DOCK1: variants seen among roughly 807,000 people sequenced by gnomAD.
DOCK1 encodes the protein dedicator of cytokinesis 1, also known as dedicator of cytokinesis protein 1.
A neutral mutation model predicts 262.7 loss-of-function variants in DOCK1; 138 were observed. That is an observed-to-expected ratio of 0.53 (90% CI 0.46 to 0.61). DOCK1 has a LOEUF of 0.61. Among genes scored for constraint, DOCK1 ranks in the 20% least tolerant of loss-of-function variants. The pLI is 0.00. For missense variants in DOCK1, 1,908 were observed against 2,370.7 expected (o/e 0.80, Z 4.05); for synonymous variants, 866 against 867.4 (o/e 1.00, Z 0.03).
At chr10:126,986,360 T>C (rs921466893) in intron 4 of DOCK1, among the ~76,000 whole-genome samples, 1 of 152,172 alleles carries the variant, frequency 6.6e-6, no homozygotes, top group African/African-American at 2.4e-5. Flanking sequence ...CTGGGCTCTG[T>C]GCACATCAAG....
intron 27 of DOCK1, among the ~76,000 whole-genome samples, chr10:127,200,810 C>T (rs775843210): frequency 2.6e-5 from 4 of 152,204 alleles, no homozygotes; most frequent in Non-Finnish European, 5.9e-5. Flanking sequence ...AGTGTGTTCC[C>T]TTAACCTTAA....
At chr10:127,067,435 A>G (rs572383859) in intron 23 of DOCK1, among the ~76,000 whole-genome samples, 11 of 152,286 alleles carry the variant, frequency 7.2e-5, no homozygotes, top group African/African-American at 2.2e-4. Flanking sequence ...AGAATTTTCT[A>G]TAGAAGGAAA....
At chr10:126,984,396 G>A (rs2039204009) in intron 4 of DOCK1, among the ~76,000 whole-genome samples, 1 of 152,166 alleles carries the variant, frequency 6.6e-6, no homozygotes, top group Non-Finnish European at 1.5e-5. Flanking sequence ...CACCCAGGTT[G>A]AAGTGCAGTG....
chr10:126,925,902 G>A (rs1345094544), intron 1 of DOCK1, among the ~76,000 whole-genome samples: 1 of 117,792 alleles, frequency 8.5e-6, no homozygotes. Context: ...GGTTGGAGTG[G>A]GATGGGTTGA....
chr10:127,042,247 C>T (rs146156885), intron 19 of DOCK1, among the ~76,000 whole-genome samples: 153 of 152,264 alleles, frequency 1.0e-3, no homozygotes, highest in African/African-American at 3.4e-3. Context: ...GTGGCTTCTG[C>T]CCATTCACTA....
chr10:127,282,704 G>T (rs932171743), intron 29 of DOCK1, among the ~76,000 whole-genome samples: 1 of 152,212 alleles, frequency 6.6e-6, no homozygotes, highest in African/African-American at 2.4e-5. Context: ...TTTCCTCTTG[G>T]TTGGGTAACA....
chr10:127,301,260 G>C (rs1330608685), intron 29 of DOCK1, among the ~76,000 whole-genome samples: 1 of 152,164 alleles, frequency 6.6e-6, no homozygotes, highest in Non-Finnish European at 1.5e-5. Context: ...TGGATCGGAG[G>C]GTTAATGATT....
chr10:127,400,037 C>T (rs1053898436), intron 38 of DOCK1, among the ~76,000 whole-genome samples: 5 of 152,124 alleles, frequency 3.3e-5, no homozygotes, highest in African/African-American at 7.2e-5. Context: ...GAGCAGGGAC[C>T]GTAGGCAGGA....
intron 25 of DOCK1, among the ~76,000 whole-genome samples, chr10:127,112,508 T>C (rs897566309): frequency 6.6e-6 from 1 of 152,226 alleles, no homozygotes; most frequent in Non-Finnish European, 1.5e-5. Flanking sequence ...AAGTCCTGTT[T>C]TGGAAGTATG....
chr10:127,357,983 CTTTCTACATAGTTTTTTTTTTTT>C (rs2064225718), intron 32 of DOCK1, among the ~76,000 whole-genome samples: 6 of 149,204 alleles, frequency 4.0e-5, no homozygotes. Flanking sequence ...ATACAACCTA[CTTTCTACATAGTTTTTTTTTTTT>C]TATTTTAATT....
chr10:127,129,984 G>A (rs1376667347), intron 27 of DOCK1, among the ~76,000 whole-genome samples: 2 of 151,874 alleles, frequency 1.3e-5, no homozygotes, highest in African/African-American at 4.8e-5. Context: ...TCTCTGGTCA[G>A]GGGGGCACAG....
Position 126,949,095 on chromosome 10 carries a change from G to A in DOCK1, c.47-21607G>A, listed in dbSNP as rs1037395904. 4.6e-5 allele frequency among the ~76,000 whole-genome samples: 7 copies of A among 152,112 alleles called. No homozygotes were observed. The East Asian group carries it at 5.8e-4, about 13-fold the overall frequency. ...CTGGGAGTGGTGCACGTTCTGCTGG[G>A]GGGAGGTGCATCCTGCCCTTGCTGC... On this transcript the variant is annotated intron_variant, in intron 1 of 51. Coordinates refer to ENST00000623213, the MANE Select transcript of DOCK1 (RefSeq NM_001290223.2).
intron 24 of DOCK1, among the ~76,000 whole-genome samples, chr10:127,108,014 A>G (rs1268998872): frequency 1.3e-5 from 2 of 152,186 alleles, no homozygotes; most frequent in African/African-American, 4.8e-5. Flanking sequence ...GTGTGCTTGG[A>G]GGTCCTAGGA....
chr10:127,363,952 C>G (rs1490615447), intron 33 of DOCK1, among the ~76,000 whole-genome samples: 1 of 152,206 alleles, frequency 6.6e-6, no homozygotes, highest in African/African-American at 2.4e-5. Context: ...GAAATAGAAT[C>G]TACCAGAAAG....
chr10:127,119,275 C>G (rs1011720464), intron 25 of DOCK1, among the ~76,000 whole-genome samples: 2 of 152,174 alleles, frequency 1.3e-5, no homozygotes, highest in African/African-American at 4.8e-5. Flanking sequence ...TCTCTATCTC[C>G]TGACCTCATG....
Position 127,252,884 on chromosome 10 carries a change from C to A in DOCK1, c.2950-4451C>A, listed in dbSNP as rs552846796. 7.6e-4 allele frequency among the ~76,000 whole-genome samples: 116 copies of A among 152,144 alleles called. 1 individual carries two copies. The highest frequency in any genetic ancestry group is 2.3e-3 in the African/African-American group (96 of 41,514). The stretch of plus-strand genomic sequence containing the variant: ...TGGCGATGCGGGCTCTTTTTTGGTT[C>A]TATTTTCTTGAGACTATTTCCTTTT... On this transcript the variant is annotated intron_variant, in intron 28 of 51. Coordinates refer to ENST00000623213, the MANE Select transcript of DOCK1 (RefSeq NM_001290223.2).
intron 23 of DOCK1, among the ~76,000 whole-genome samples, chr10:127,082,732 G>T (rs1188138775): frequency 6.6e-6 from 1 of 152,116 alleles, no homozygotes; most frequent in South Asian, 2.1e-4. Context: ...TGTCTGGCTG[G>T]AGGGGAAGGA....
At chr10:127,061,886 A>T in intron 23 of DOCK1, 110 bp downstream of exon 23, 9 of 542,246 alleles carry the variant, frequency 1.7e-5, no homozygotes, top group Admixed American at 3.9e-5. Flanking sequence ...CAAATACCAT[A>T]GTTGTTAATG....
intron 11 of DOCK1, among the ~76,000 whole-genome samples, chr10:127,011,503 C>T (rs561028132): frequency 4.3e-4 from 65 of 152,332 alleles, no homozygotes; most frequent in Non-Finnish European, 7.5e-4. Flanking sequence ...TTGCTCATTT[C>T]ATAGTGCACT....
Sources: gnomAD v4.1 joint callset for allele counts (sites outside exome capture counted in the v4.1 genomes callset) on GRCh38, gnomAD v4.1.1 for gene constraint, MANE v1.5 for transcripts, NCBI Gene and HGNC (gene_info 2026-07-23, HGNC 2026-07-21) for gene names.